Variants in ADAMTS17 observed in about 807,000 individuals in gnomAD.
The protein encoded by ADAMTS17 is ADAM metallopeptidase with thrombospondin type 1 motif 17.
ADAMTS17 carries 113 observed loss-of-function variants against 141.5 expected under a neutral mutation model. The observed-to-expected ratio is 0.80, with a 90% CI of 0.69 to 0.93. The LOEUF (loss-of-function observed/expected upper bound fraction) is 0.93. Ranked by LOEUF, ADAMTS17 falls within the 40% of genes least tolerant of loss-of-function variation. ADAMTS17 has a pLI of 0.00. For synonymous variants in ADAMTS17, 768 were observed against 630.6 expected (o/e 1.22, Z -3.27); for missense variants, 1,659 against 1,517.9 (o/e 1.09, Z -1.54).
intron 7 of ADAMTS17, among the ~76,000 whole-genome samples, chr15:100,240,846 G>C (rs1274131216): frequency 1.3e-5 from 2 of 152,040 alleles, no homozygotes; most frequent in Non-Finnish European, 2.9e-5. Context: ...TCTTTTTTGA[G>C]ACAGAGTCTC....
At chr15:100,185,738 C>T (rs2040690791) in intron 8 of ADAMTS17, among the ~76,000 whole-genome samples, 1 of 152,190 alleles carries the variant, frequency 6.6e-6, no homozygotes, top group South Asian at 2.1e-4. Context: ...CCCTGCACAC[C>T]TCGTCCACAT....
chr15:100,084,149 C>A (rs2141835046), intron 15 of ADAMTS17, among the ~76,000 whole-genome samples: 1 of 152,292 alleles, frequency 6.6e-6, no homozygotes, highest in Admixed American at 6.5e-5. Context: ...CACCCTAATA[C>A]CACACTCTTA....
At chr15:100,265,234 C>T (rs1387456321) in intron 4 of ADAMTS17, among the ~76,000 whole-genome samples, 1 of 152,138 alleles carries the variant, frequency 6.6e-6, no homozygotes, top group Non-Finnish European at 1.5e-5. Flanking sequence ...CCAAGCCAGG[C>T]GAGCCAGGTG....
chr15:100,286,263 G>T (rs1596451174), intron 3 of ADAMTS17, among the ~76,000 whole-genome samples: 1 of 152,260 alleles, frequency 6.6e-6, no homozygotes, highest in Admixed American at 6.5e-5. Context: ...CCCTACCACT[G>T]ATGGCAGAGC....
chr15:100,090,322 G>C (rs1219142216), intron 15 of ADAMTS17, among the ~76,000 whole-genome samples: 1 of 152,204 alleles, frequency 6.6e-6, no homozygotes, highest in African/African-American at 2.4e-5. Flanking sequence ...ATCCGCTTGT[G>C]GGGGATGAGC....
At chr15:100,115,308 A>G (rs190994324) in intron 13 of ADAMTS17, among the ~76,000 whole-genome samples, 158 of 152,282 alleles carry the variant, frequency 1.0e-3, no homozygotes, top group African/African-American at 3.7e-3. Context: ...CCAGCCGCAC[A>G]CGTTCCTTCT....
Position 100,155,235 on chromosome 15 carries a change from G to A in ADAMTS17, c.1267C>T (p.Pro423Ser). The change falls in exon 9 of 22, where the codon CCA becomes TCA. Residue 423 changes from proline (P) to serine (S), a missense_variant. Coordinates refer to ENST00000268070, the MANE Select transcript of ADAMTS17 (RefSeq NM_139057.4). The part of the protein sequence containing the change: ...MSGEWVKGRN[P>S]SDLSWSSCSR... ...CAGGAGGACCAAGAGAGGTCACTTG[G>A]GTTCCGGCCTTTCACCCACTCTCCT... 1 of 1,614,158 alleles carries A rather than the reference G, an allele frequency of 6.2e-7. No individual in the cohort carries two copies. The highest frequency in any genetic ancestry group is 8.5e-7 in the Non-Finnish European group (1 of 1,180,034).
rs933624491 is a variant in ADAMTS17 at position 100,085,403 on chromosome 15, A to G, written c.2137+10953T>C. ...GAAAGTGACGAGGAGAACGCAACCA[A>G]GTTGGAAAACACTCTGCAGGATATT... On this transcript the variant is annotated intron_variant, in intron 15 of 21. Transcript: ENST00000268070. Among the ~76,000 whole-genome samples the G allele has an allele frequency of 2.3e-4, 32 of 139,254 alleles. 1 individual carries two copies. The highest frequency in any genetic ancestry group is 4.3e-4 in the Non-Finnish European group (29 of 66,840). The allele number at this position is 139,254 out of a possible 152,430, so 91.4% of individuals were successfully genotyped here.
At chr15:100,117,101 G>A (rs1004737125) in intron 12 of ADAMTS17, 88 bp from the exon 13 acceptor site, 5 of 1,488,712 alleles carry the variant, frequency 3.4e-6, no homozygotes, top group Non-Finnish European at 4.5e-6. Flanking sequence ...AGGGGGAGGA[G>A]AGGAAGGGGG....
chr15:100,067,812 G>A (rs926405287), intron 15 of ADAMTS17, among the ~76,000 whole-genome samples: 2 of 152,176 alleles, frequency 1.3e-5, no homozygotes, highest in Non-Finnish European at 2.9e-5. Context: ...CCAGTCTACA[G>A]CTCCCAGTGT....
chr15:100,165,135 T>A (rs1481530911), intron 8 of ADAMTS17, among the ~76,000 whole-genome samples: 1 of 152,176 alleles, frequency 6.6e-6, no homozygotes, highest in Admixed American at 6.5e-5. Context: ...GCCATCTCTG[T>A]GAAATGCTGT....
chr15:100,045,664 T>G (rs1481662266), intron 18 of ADAMTS17, among the ~76,000 whole-genome samples: 1 of 152,182 alleles, frequency 6.6e-6, no homozygotes, highest in East Asian at 1.9e-4. Context: ...GAGTTTTTCC[T>G]TCTCAGTTTC....
chr15:100,328,190 T>C (rs536518394), intron 3 of ADAMTS17, among the ~76,000 whole-genome samples: 1 of 152,176 alleles, frequency 6.6e-6, no homozygotes. Context: ...TAGGAAAGAT[T>C]AGGAAACTTC....
intron 15 of ADAMTS17, among the ~76,000 whole-genome samples, chr15:100,071,153 A>C (rs1039842889): frequency 1.2e-4 from 18 of 150,544 alleles, no homozygotes; most frequent in African/African-American, 4.4e-4. Context: ...AGAAATGGAT[A>C]AATTCCTTAA....
chr15:100,049,154 A>G (rs2031945172), intron 17 of ADAMTS17, among the ~76,000 whole-genome samples, 162 bp from the exon 18 acceptor site: 1 of 152,214 alleles, frequency 6.6e-6, no homozygotes, highest in Non-Finnish European at 1.5e-5. Context: ...AGGAAGAACT[A>G]TAATCGTAGG....
At chr15:100,295,230 C>A (rs2044768665) in intron 3 of ADAMTS17, among the ~76,000 whole-genome samples, 1 of 152,178 alleles carries the variant, frequency 6.6e-6, no homozygotes, top group Admixed American at 6.5e-5. Flanking sequence ...ACAGAAAGGT[C>A]TCCATTTCCC....
Position 100,306,620 on chromosome 15 carries a change from C to T in ADAMTS17, c.616+24269G>A, listed in dbSNP as rs144460828. Reference sequence around the variant, plus strand: ...CACCGTGCCTTGTCAAATCCCTGACCCACAGAATCTATGAACTTATTAAAA... The same window carrying T: ...CACCGTGCCTTGTCAAATCCCTGACTCACAGAATCTATGAACTTATTAAAA... On this transcript the variant is annotated intron_variant, in intron 3 of 21. Coordinates refer to ENST00000268070, the MANE Select transcript of ADAMTS17 (RefSeq NM_139057.4). 522 of 454,924 alleles carry T rather than the reference C, an allele frequency of 1.1e-3. 3 individuals are homozygous for T. The highest frequency in any genetic ancestry group is 9.8e-3 in the African/African-American group (491 of 50,080). The allele number at this position is 454,924 out of a possible 1,614,324, so 28.2% of individuals were successfully genotyped here. A position where few individuals can be genotyped will look rare whatever the true frequency, so the allele number is the denominator to read the frequency against.
chr15:100,116,680 C>T (rs1019833208), intron 13 of ADAMTS17, among the ~76,000 whole-genome samples, 167 bp downstream of exon 13: 2 of 152,276 alleles, frequency 1.3e-5, no homozygotes, highest in Non-Finnish European at 2.9e-5. Context: ...CATTCAAGGT[C>T]AACCCCACAA....
chr15:100,050,739 G>C (rs1341279128), intron 17 of ADAMTS17, among the ~76,000 whole-genome samples: 2 of 152,168 alleles, frequency 1.3e-5, no homozygotes, highest in Admixed American at 1.3e-4. Context: ...CCAACTCTCT[G>C]GGTTGGCCTA....
Sources: allele counts gnomAD v4.1 joint callset (sites outside exome capture counted in the v4.1 genomes callset), GRCh38; gene constraint gnomAD v4.1.1; transcripts MANE v1.5; gene names NCBI Gene and HGNC (gene_info 2026-07-23, HGNC 2026-07-21).